DIAPH1: variants seen among roughly 807,000 people sequenced by gnomAD.
The protein encoded by DIAPH1 is diaphanous related formin 1, also known as protein diaphanous homolog 1.
DIAPH1 carries 46 observed loss-of-function variants against 140.7 expected under a neutral mutation model. The observed-to-expected ratio is 0.33, with a 90% CI of 0.26 to 0.42. DIAPH1 has a LOEUF of 0.42. Ranked by LOEUF, DIAPH1 falls within the 10% of genes least tolerant of loss-of-function variation. The probability of loss-of-function intolerance (pLI) is 1.00; values close to 1 mark genes in which losing one functional copy is unlikely to be tolerated. For missense variants in DIAPH1, 1,310 were observed against 1,558.7 expected, an observed-to-expected ratio of 0.84 and a Z score of 2.69; for synonymous variants, 565 against 551.6, an observed-to-expected ratio of 1.02 and a Z score of -0.34.
At chr5:141,553,786 C>G (rs2099892125) in intron 18 of DIAPH1, among the ~76,000 whole-genome samples, 1 of 151,936 alleles carries the variant, frequency 6.6e-6, no homozygotes, top group African/African-American at 2.4e-5. Context: ...AAGATAGAGA[C>G]AAGAACAGAA....
chr5:141,612,831 C>G (rs2154597381), intron 1 of DIAPH1, among the ~76,000 whole-genome samples: 1 of 152,280 alleles, frequency 6.6e-6, no homozygotes, highest in African/African-American at 2.4e-5. Context: ...AGTTCTGACA[C>G]TGAAAATAAA....
At chr5:141,618,664 G>A in intron 1 of DIAPH1, 134 bp downstream of exon 1, 1 of 611,878 alleles carries the variant, frequency 1.6e-6, no homozygotes. Context: ...CTGCAGAGCT[G>A]CGGACCGAGC....
At chr5:141,574,252 G>A in intron 15 of DIAPH1, 44 bp from the exon 16 acceptor site, 2 of 1,586,012 alleles carry the variant, frequency 1.3e-6, no homozygotes, top group Non-Finnish European at 1.7e-6. Context: ...CCCCACTTCA[G>A]GGACTACTGG....
intron 1 of DIAPH1, among the ~76,000 whole-genome samples, chr5:141,611,943 TG>T (rs1226847691): frequency 1.3e-5 from 2 of 152,288 alleles, no homozygotes; most frequent in South Asian, 2.1e-4. Flanking sequence ...GGCAGCCTCC[TG>T]TAATCCCAGC....
In DIAPH1 at chr5:141,528,897, G is replaced by A. The variant is rs374308209; in HGVS notation, c.2823C>T (p.Leu941=). ...CTTGCTCGCTGAATTGTAGCTTGAA[G>A]AGAATGGCATTGAGGCGAGGCCGCA... is the stretch of plus-strand genomic sequence containing the variant. ...PRLRPRLNAI[L]FKLQFSEQVE... The change falls in exon 22 of 28, where the codon CTC becomes CTT. Residue 941 remains leucine, a synonymous_variant. Transcript: ENST00000389054. 1 of 1,614,072 alleles carries A rather than the reference G, an allele frequency of 6.2e-7. No individual in the cohort carries two copies. The highest frequency in any genetic ancestry group is 1.3e-5 in the African/African-American group (1 of 74,954).
At position 141,529,607 on chromosome 5, in the gene DIAPH1, A is replaced by G. The variant is rs727502961; in HGVS notation, c.2672T>C (p.Ile891Thr). Residue 891 changes from isoleucine (I) to threonine (T), a missense_variant, in exon 20 of 28, where the codon ATC (isoleucine) becomes ACC (threonine). Ile to Thr is a moderately conservative substitution (Grantham distance 89). This residue lies in a region of DIAPH1 where 344 missense variants were observed against 512.2 expected (regional missense o/e 0.67). Transcript: ENST00000389054. Reference protein sequence around the residue: ...VNEAVLTESMIQNLIKQMPEP... With the variant: ...VNEAVLTESMTQNLIKQMPEP... ...CAGAACCACCTTACTCCTTACCTGG[A>G]TCATAGACTCAGTCAGAACAGCCTC... 2.0e-5 allele frequency: 32 copies of G among 1,613,692 alleles called. No individual in the cohort carries two copies. Among genetic ancestry groups the G allele is most frequent in the Non-Finnish European group, 2.6e-5 (31 of 1,179,564 alleles).
intron 3 of DIAPH1, among the ~76,000 whole-genome samples, chr5:141,585,902 T>C (rs761026528): frequency 1.6e-4 from 25 of 152,204 alleles, no homozygotes; most frequent in Non-Finnish European, 3.5e-4. Flanking sequence ...ATTGGGGAAA[T>C]TCAAATAGTG....
intron 1 of DIAPH1, among the ~76,000 whole-genome samples, chr5:141,592,047 A>G (rs1446972637): frequency 6.7e-6 from 1 of 149,278 alleles, no homozygotes; most frequent in East Asian, 2.0e-4. Flanking sequence ...GCACCACTGC[A>G]CTCCAGTCTG....
intron 1 of DIAPH1, among the ~76,000 whole-genome samples, chr5:141,611,192 C>A (rs988987380): frequency 2.0e-5 from 3 of 152,006 alleles, no homozygotes; most frequent in African/African-American, 7.2e-5. Context: ...GCTGCAGTGA[C>A]CTATGATTGT....
At chr5:141,606,894 TGTCA>T (rs2154597236) in intron 1 of DIAPH1, among the ~76,000 whole-genome samples, 1 of 150,946 alleles carries the variant, frequency 6.6e-6, no homozygotes, top group East Asian at 2.0e-4. Flanking sequence ...TTTTCAAAAC[TGTCA>T]GTCTCCTATA....
chr5:141,582,667 C>T (rs890864157), intron 6 of DIAPH1, among the ~76,000 whole-genome samples: 3 of 152,284 alleles, frequency 2.0e-5, no homozygotes, highest in Middle Eastern at 3.4e-3. Context: ...GATAACATCC[C>T]ATCTATTGCT....
chr5:141,573,561 C>G lies in DIAPH1; in HGVS notation c.2289G>C (p.Leu763=), dbSNP rs1457554609. ...FGFGVPAAPV[L]PFGLTPKKLY... is the part of the protein sequence containing the mutation. ...GCTTTTTGGGGGTTAATCCAAATGG[C>G]AGAACTGGGGCTGCAGGAACTCCAA... Residue 763 remains leucine, a synonymous_variant, in exon 16 of 28, where the codon CTG becomes CTC. Transcript: ENST00000389054. 8 of 1,613,724 alleles carry G rather than the reference C, an allele frequency of 5.0e-6. No homozygotes were observed. The highest frequency in any genetic ancestry group is 6.8e-6 in the Non-Finnish European group (8 of 1,179,934).
intron 3 of DIAPH1, 70 bp downstream of exon 3, chr5:141,586,972 G>A: frequency 1.3e-6 from 2 of 1,523,742 alleles, no homozygotes; most frequent in Non-Finnish European, 1.8e-6. Context: ...TGGGAATTAT[G>A]CACCAAAAAG....
chr5:141,560,128 T>C (rs769800046), intron 18 of DIAPH1, among the ~76,000 whole-genome samples: 11 of 152,220 alleles, frequency 7.2e-5, no homozygotes, highest in Non-Finnish European at 1.2e-4. Context: ...TATAGTTCAT[T>C]TGGATCAAGA....
chr5:141,601,561 A>T (rs1429256273), intron 1 of DIAPH1, among the ~76,000 whole-genome samples: 1 of 152,186 alleles, frequency 6.6e-6, no homozygotes, highest in Non-Finnish European at 1.5e-5. Flanking sequence ...AAGTGCTGGG[A>T]TGACAGGCGT....
intron 27 of DIAPH1, chr5:141,519,010 A>G: frequency 6.4e-7 from 1 of 1,550,448 alleles, no homozygotes; most frequent in Non-Finnish European, 8.7e-7. Flanking sequence ...CCAAGAGGAG[A>G]AAGAATAGTG....
intron 1 of DIAPH1, among the ~76,000 whole-genome samples, chr5:141,596,204 G>A (rs1272787189): frequency 1.3e-5 from 2 of 151,994 alleles, no homozygotes; most frequent in African/African-American, 4.8e-5. Flanking sequence ...GTGGTGGCAC[G>A]CGTCTGTAGT....
chr5:141,518,312 G>GAA (rs55840265), intron 27 of DIAPH1, among the ~76,000 whole-genome samples: 1,185 of 115,292 alleles, frequency 0.01, 27 homozygotes, highest in African/African-American at 0.037. Flanking sequence ...AGCTCAATTG[G>GAA]AAAAAAAAAA....
chr5:141,585,842 T>C (rs765779495), intron 3 of DIAPH1, among the ~76,000 whole-genome samples: 7 of 152,234 alleles, frequency 4.6e-5, no homozygotes, highest in Non-Finnish European at 7.3e-5. Flanking sequence ...TACAGTGGAC[T>C]ATATTTGGAA....
Sources: gnomAD v4.1 joint callset for allele counts (sites outside exome capture counted in the v4.1 genomes callset) on GRCh38, gnomAD v4.1.1 for gene constraint, gnomAD v4.1.1 regional missense constraint, MANE v1.5 for transcripts, NCBI Gene and HGNC (gene_info 2026-07-23, HGNC 2026-07-21) for gene names.